IL1RAPL2: variants seen among roughly 807,000 people sequenced by gnomAD.
IL1RAPL2 encodes the protein interleukin 1 receptor accessory protein like 2, also known as X-linked interleukin-1 receptor accessory protein-like 2.
In IL1RAPL2, 3 loss-of-function variants were observed where a neutral mutation model predicts 44.1. The observed-to-expected ratio is 0.07, with a 90% CI of 0.03 to 0.18. IL1RAPL2 has a LOEUF of 0.18. Among genes scored for constraint, IL1RAPL2 ranks in the 10% least tolerant of loss-of-function variants. The probability of loss-of-function intolerance (pLI) is 1.00; values close to 1 mark genes in which losing one functional copy is unlikely to be tolerated. For synonymous variants in IL1RAPL2, 181 were observed against 178.8 expected (o/e 1.01, Z -0.10); for missense variants, 391 against 496.4 (o/e 0.79, Z 2.02).
At chrX:105,196,485 G>A (rs1292151337) in intron 3 of IL1RAPL2, among the ~76,000 whole-genome samples, 3 of 110,840 alleles carry the variant, frequency 2.7e-5, no homozygotes, top group South Asian at 3.9e-4. Flanking sequence ...TTTCAAATGC[G>A]TCTAGATTTC....
chrX:105,756,758 C>G (rs1047462031), intron 10 of IL1RAPL2, among the ~76,000 whole-genome samples: 17 of 111,387 alleles, frequency 1.5e-4, no homozygotes, highest in Non-Finnish European at 2.6e-4. Flanking sequence ...CCTGATACCC[C>G]ATTTTTACGA....
intron 2 of IL1RAPL2, among the ~76,000 whole-genome samples, chrX:104,956,575 T>G (rs1393522489): frequency 9.3e-6 from 1 of 107,488 alleles, no homozygotes; most frequent in African/African-American, 3.4e-5. Flanking sequence ...GAGGTGGAGA[T>G]TGCAGTGAAC....
intron 6 of IL1RAPL2, among the ~76,000 whole-genome samples, chrX:105,685,890 C>A (rs887257075): frequency 6.3e-5 from 7 of 111,471 alleles, no homozygotes; most frequent in Non-Finnish European, 9.4e-5. Flanking sequence ...AGAGTGGGGG[C>A]CAATATTCAA....
intron 6 of IL1RAPL2, among the ~76,000 whole-genome samples, chrX:105,545,437 C>A (rs2036786404): frequency 8.9e-6 from 1 of 112,247 alleles, no homozygotes; most frequent in Non-Finnish European, 1.9e-5. Flanking sequence ...TGACTATTAA[C>A]CAAAACTAGT....
intron 6 of IL1RAPL2, among the ~76,000 whole-genome samples, chrX:105,533,519 CT>C (rs2036655083): frequency 8.9e-6 from 1 of 111,851 alleles, no homozygotes; most frequent in Non-Finnish European, 1.9e-5. Flanking sequence ...CATGTATAGC[CT>C]TGTGTAACTA....
intron 6 of IL1RAPL2, among the ~76,000 whole-genome samples, chrX:105,677,855 T>C (rs2037885892): frequency 8.9e-6 from 1 of 112,123 alleles, no homozygotes; most frequent in Admixed American, 9.5e-5. Context: ...TTAAATAATG[T>C]TCTGATGGAG....
chrX:104,824,119 G>A (rs1293115945), intron 2 of IL1RAPL2, among the ~76,000 whole-genome samples: 1 of 111,883 alleles, frequency 8.9e-6, no homozygotes, highest in Non-Finnish European at 1.9e-5. Flanking sequence ...TTTATCAAAG[G>A]CCTTTTCTGC....
At position 104,694,699 on chromosome X, in the gene IL1RAPL2, G is replaced by A. The variant is rs776337083; in HGVS notation, c.82+35704G>A. Among the ~76,000 whole-genome samples the A allele has an allele frequency of 2.7e-5, 3 of 111,716 alleles. No individual in the cohort carries two copies. The East Asian group carries it at 8.5e-4, about 32-fold the overall frequency. ...GGATACACGCAAGATAGGTTTGGGTGACAGTCAAGGTGACTTCCATTTTGT... is the reference window on the plus strand; with the variant it reads ...GGATACACGCAAGATAGGTTTGGGTAACAGTCAAGGTGACTTCCATTTTGT... On this transcript the variant is annotated intron_variant, in intron 2 of 10. Transcript: ENST00000372582.
intron 2 of IL1RAPL2, among the ~76,000 whole-genome samples, chrX:104,994,253 G>C (rs1225425844): frequency 9.0e-6 from 1 of 111,655 alleles, no homozygotes; most frequent in Admixed American, 9.6e-5. Flanking sequence ...CAGACTTAAT[G>C]ATGAGGGAAA....
chrX:104,834,630 T>C (rs1921694336), intron 2 of IL1RAPL2, among the ~76,000 whole-genome samples: 1 of 112,311 alleles, frequency 8.9e-6, no homozygotes, highest in Non-Finnish European at 1.9e-5. Flanking sequence ...CACAAAGACT[T>C]GTTGATGAAT....
intron 6 of IL1RAPL2, among the ~76,000 whole-genome samples, chrX:105,539,017 A>G (rs1382015639): frequency 9.0e-6 from 1 of 111,210 alleles, no homozygotes; most frequent in East Asian, 2.8e-4. Flanking sequence ...ACTACAGAAC[A>G]CTGCTGAAAA....
At chrX:105,683,394 A>T (rs953579550) in intron 6 of IL1RAPL2, among the ~76,000 whole-genome samples, 44 of 111,835 alleles carry the variant, frequency 3.9e-4, no homozygotes, top group African/African-American at 1.4e-3. Flanking sequence ...TCTAGGACCC[A>T]TATCAGGATG....
intron 5 of IL1RAPL2, among the ~76,000 whole-genome samples, chrX:105,284,573 C>T (rs2034556765): frequency 8.9e-6 from 1 of 111,760 alleles, no homozygotes; most frequent in African/African-American, 3.3e-5. Context: ...GTGTGTGGTA[C>T]AATGAAGGGA....
At chrX:105,259,066 T>A in intron 4 of IL1RAPL2, among the ~76,000 whole-genome samples, 1 of 112,023 alleles carries the variant, frequency 8.9e-6, no homozygotes, top group Non-Finnish European at 1.9e-5. Flanking sequence ...GGATGTTCCT[T>A]TAACTGCAGT....
chrX:105,137,488 G>A (rs1259302035), intron 2 of IL1RAPL2, among the ~76,000 whole-genome samples: 2 of 111,676 alleles, frequency 1.8e-5, no homozygotes, highest in East Asian at 2.8e-4. Flanking sequence ...TGGTGAATAA[G>A]TGGGAACACC....
At chrX:104,597,346 TAAAA>T (rs763760189) in intron 1 of IL1RAPL2, among the ~76,000 whole-genome samples, 1 of 86,526 alleles carries the variant, frequency 1.2e-5, no homozygotes, top group Non-Finnish European at 2.3e-5. Context: ...CTCCATCTCT[TAAAA>T]AAAAAAAAAA....
At chrX:105,046,694 C>T (rs1390787058) in intron 2 of IL1RAPL2, among the ~76,000 whole-genome samples, 1 of 111,115 alleles carries the variant, frequency 9.0e-6, no homozygotes, top group African/African-American at 3.3e-5. Flanking sequence ...TGTGTAAGTC[C>T]TGTTTACTGG....
intron 6 of IL1RAPL2, among the ~76,000 whole-genome samples, chrX:105,487,443 TG>T (rs996632670): frequency 5.3e-5 from 6 of 112,186 alleles, no homozygotes; most frequent in Admixed American, 9.5e-5. Flanking sequence ...TTACATTAGA[TG>T]TAAGGCTGAA....
intron 6 of IL1RAPL2, among the ~76,000 whole-genome samples, chrX:105,575,508 C>A (rs1358479978): frequency 1.8e-5 from 2 of 112,296 alleles, no homozygotes; most frequent in Non-Finnish European, 3.8e-5. Context: ...TGATCTCATT[C>A]TCCTTTATGG....
Sources: gnomAD v4.1 joint callset for allele counts (sites outside exome capture counted in the v4.1 genomes callset) on GRCh38, gnomAD v4.1.1 for gene constraint, MANE v1.5 for transcripts, NCBI Gene and HGNC (gene_info 2026-07-23, HGNC 2026-07-21) for gene names.